The following KLHL32 variants were observed in gnomAD, a reference collection of about 807,000 sequenced individuals.
The protein encoded by KLHL32 is kelch like family member 32.
KLHL32 carries 35 observed loss-of-function variants against 64.8 expected under a neutral mutation model. That is an observed-to-expected ratio of 0.54 (90% CI 0.41 to 0.72). The LOEUF (loss-of-function observed/expected upper bound fraction) is 0.72, where lower values mean the gene tolerates loss of function less well. Among genes scored for constraint, KLHL32 ranks in the 30% least tolerant of loss-of-function variants. The probability of loss-of-function intolerance (pLI) is 0.00; values close to 1 mark genes in which losing one functional copy is unlikely to be tolerated. For synonymous variants in KLHL32, 259 were observed against 281.0 expected (o/e 0.92, Z 0.78); for missense variants, 589 against 768.5 (o/e 0.77, Z 2.76).
chr6:96,902,939 T>C, the KLHL32 span, among the ~76,000 whole-genome samples: 1 of 152,186 alleles, frequency 6.6e-6, no homozygotes, highest in Admixed American at 6.5e-5. Context: ...TTCTGTTCCA[T>C]TGGCCTATGT....
chr6:96,924,444 C>T (rs1031749646), upstream of KLHL32, among the ~76,000 whole-genome samples: 1 of 130,778 alleles, frequency 7.6e-6, no homozygotes, highest in African/African-American at 2.8e-5. Flanking sequence ...GACCGGCGGG[C>T]GCGCGCTGGC....
intron 3 of KLHL32, 86 bp from the exon 4 acceptor site, chr6:97,041,406 T>C (rs1442345663): frequency 1.2e-6 from 1 of 815,468 alleles, no homozygotes; most frequent in Non-Finnish European, 2.1e-6. Flanking sequence ...TGTAAAACTT[T>C]TTTTTCCCCT....
rs1784389053 is a variant in KLHL32, at chr6:97,036,951, C to T, written c.205-4541C>T. 6.6e-5 allele frequency among the ~76,000 whole-genome samples: 10 copies of T among 152,338 alleles called. No individual in the cohort carries two copies. In the South Asian group the frequency reaches 2.1e-3, roughly 32 times the overall value. On this transcript the variant is annotated intron_variant, in intron 3 of 10. Coordinates refer to ENST00000369261, the MANE Select transcript of KLHL32 (RefSeq NM_052904.4). ...GGGGATATAGTGGTCAAGGCAATTT[C>T]TGTTGGCACTAAGCTGTACTATGTG...
At chr6:96,988,590 C>T (rs909786737) in intron 3 of KLHL32, among the ~76,000 whole-genome samples, 4 of 152,118 alleles carry the variant, frequency 2.6e-5, no homozygotes, top group African/African-American at 9.7e-5. Context: ...TTGACCCAGC[C>T]ATCCCATTAC....
intron 6 of KLHL32, among the ~76,000 whole-genome samples, chr6:97,113,519 C>T (rs1797445933): frequency 6.6e-6 from 1 of 152,120 alleles, no homozygotes; most frequent in Admixed American, 6.5e-5. Context: ...TTACTGTTCA[C>T]CCCAAATGGT....
chr6:97,106,650 A>G (rs1195990176), intron 6 of KLHL32, among the ~76,000 whole-genome samples: 2 of 152,158 alleles, frequency 1.3e-5, no homozygotes, highest in Admixed American at 6.5e-5. Context: ...AGGCTGAGAC[A>G]GGAGAATCGC....
intron 3 of KLHL32, among the ~76,000 whole-genome samples, chr6:97,001,740 T>C (rs1249755077): frequency 6.6e-6 from 1 of 152,252 alleles, no homozygotes; most frequent in Non-Finnish European, 1.5e-5. Context: ...ATAATAGTCA[T>C]GGTCTATTAG....
intron 3 of KLHL32, among the ~76,000 whole-genome samples, chr6:96,992,116 T>A (rs1379069821): frequency 1.3e-5 from 2 of 152,224 alleles, no homozygotes; most frequent in East Asian, 3.9e-4. Flanking sequence ...GCACTCCATC[T>A]GCTGCTCAGC....
chr6:97,128,149 C>T (rs1219047647), intron 8 of KLHL32, among the ~76,000 whole-genome samples: 56 of 152,272 alleles, frequency 3.7e-4, no homozygotes, highest in Non-Finnish European at 4.4e-5. Flanking sequence ...TAATATTCAT[C>T]AGCTGAATGT....
chr6:97,071,882 A>G (rs953498866), intron 5 of KLHL32, among the ~76,000 whole-genome samples: 1 of 152,152 alleles, frequency 6.6e-6, no homozygotes, highest in Non-Finnish European at 1.5e-5. Context: ...GCTAATCAAC[A>G]CTGGACAATC....
At chr6:97,050,584 G>A (rs1346149264) in intron 4 of KLHL32, among the ~76,000 whole-genome samples, 7 of 152,060 alleles carry the variant, frequency 4.6e-5, no homozygotes, top group South Asian at 4.1e-4. Context: ...AAAGCCATCC[G>A]GAGTGAAATA....
intron 2 of KLHL32, among the ~76,000 whole-genome samples, chr6:96,969,450 C>A (rs1774873845): frequency 6.6e-6 from 1 of 152,162 alleles, no homozygotes; most frequent in South Asian, 2.1e-4. Flanking sequence ...TGTTGCTAAA[C>A]CCTTAAGTTC....
intron 3 of KLHL32, among the ~76,000 whole-genome samples, chr6:97,037,785 T>C (rs1784516203): frequency 1.3e-5 from 2 of 152,112 alleles, no homozygotes; most frequent in Admixed American, 1.3e-4. Context: ...TACAAAGCTA[T>C]AGTAACTAAA....
intron 3 of KLHL32, among the ~76,000 whole-genome samples, chr6:97,031,110 G>A (rs1783474434): frequency 1.3e-5 from 2 of 152,140 alleles, no homozygotes; most frequent in African/African-American, 4.8e-5. Flanking sequence ...GTTTCTAGCA[G>A]GTCTCTGGAC....
At chr6:97,118,208 C>T (rs1247367234) in intron 7 of KLHL32, among the ~76,000 whole-genome samples, 1 of 152,112 alleles carries the variant, frequency 6.6e-6, no homozygotes, top group Non-Finnish European at 1.5e-5. Flanking sequence ...TTATTCAAAG[C>T]TACTAACAGG....
At chr6:96,933,080 G>C (rs1164252825) in intron 1 of KLHL32, among the ~76,000 whole-genome samples, 1 of 152,178 alleles carries the variant, frequency 6.6e-6, no homozygotes, top group Non-Finnish European at 1.5e-5. Context: ...AGGGTTTAGT[G>C]GTTAAGGATT....
intron 1 of KLHL32, among the ~76,000 whole-genome samples, chr6:96,927,906 C>A (rs1001554849): frequency 5.3e-5 from 8 of 152,322 alleles, no homozygotes; most frequent in Non-Finnish European, 8.8e-5. Flanking sequence ...CAAGCTACTT[C>A]CATATCGGCT....
At position 97,079,038 on chromosome 6, in the gene KLHL32, G is replaced by T. The variant is rs146913040; in HGVS notation, c.412-6088G>T. Among the ~76,000 whole-genome samples, 1,447 of 152,292 alleles carry T rather than the reference G, an allele frequency of 9.5e-3. 29 individuals are homozygous for T. The highest frequency in any genetic ancestry group is 0.033 in the African/African-American group (1,388 of 41,550). ...GTGACATCCCTAAGCTAGGCTGTGG[G>T]TTATGTGTGGTAAATATGCAGACTC... On this transcript the variant is annotated intron_variant, in intron 5 of 10. Transcript: ENST00000369261.
At chr6:96,960,182 T>A (rs1224253499) in intron 1 of KLHL32, among the ~76,000 whole-genome samples, 1 of 152,224 alleles carries the variant, frequency 6.6e-6, no homozygotes, top group African/African-American at 2.4e-5. Flanking sequence ...TTCATCATTA[T>A]CATCATTGTC....
Sources: gnomAD v4.1 joint callset for allele counts (sites outside exome capture counted in the v4.1 genomes callset) on GRCh38, gnomAD v4.1.1 for gene constraint, MANE v1.5 for transcripts, NCBI Gene and HGNC (gene_info 2026-07-23, HGNC 2026-07-21) for gene names.